The following PTPRT variants were observed in gnomAD, a reference collection of about 807,000 sequenced individuals.
PTPRT encodes the protein receptor-type tyrosine-protein phosphatase T.
PTPRT carries 56 observed loss-of-function variants against 176.8 expected under a neutral mutation model. That is an observed-to-expected ratio of 0.32 (90% CI 0.26 to 0.40). The LOEUF is 0.40. Ranked by LOEUF, PTPRT falls within the 10% of genes least tolerant of loss-of-function variation. PTPRT has a pLI of 1.00. For synonymous variants in PTPRT, 783 were observed against 739.0 expected, an observed-to-expected ratio of 1.06 and a Z score of -0.96; for missense variants, 1,540 against 1,908.2, an observed-to-expected ratio of 0.81 and a Z score of 3.60.
rs542957219 is a variant in PTPRT at position 42,855,547 on chromosome 20, T to G, written c.214+30260A>C. On this transcript the variant is annotated intron_variant, in intron 2 of 30. Transcript: ENST00000373187. ...CCTGGGTTCAAGGGATTCTCATGCC[T>G]CAGCCTCCCAAGTAGCTGGGATCAC... Among the ~76,000 whole-genome samples the G allele has an allele frequency of 9.0e-5, 13 of 143,924 alleles. No individual in the cohort carries two copies. In the South Asian group the frequency reaches 2.9e-3, roughly 32 times the overall value. The allele number at this position is 143,924 out of a possible 152,430, so 94.4% of individuals were successfully genotyped here. A position where few individuals can be genotyped will look rare whatever the true frequency, so the allele number is the denominator to read the frequency against.
intron 1 of PTPRT, among the ~76,000 whole-genome samples, chr20:43,111,804 G>A (rs2012879430): frequency 1.3e-5 from 2 of 152,292 alleles, no homozygotes; most frequent in Admixed American, 1.3e-4. Context: ...TGGGAAACAG[G>A]CCATGTTAAT....
In PTPRT at chr20:42,454,400, G is replaced by A. The variant is rs534439258; in HGVS notation, c.1451-6071C>T. Among the ~76,000 whole-genome samples the A allele has an allele frequency of 1.1e-4, 16 of 152,242 alleles. No homozygotes were observed. In the South Asian group the frequency reaches 2.5e-3, roughly 24 times the overall value. ...ATGACTGAAGGGCTTATCTATCTTT[G>A]TTTTTACAGTGTAATGCCAAATTGT... is the stretch of plus-strand genomic sequence containing the variant. On this transcript the variant is annotated intron_variant, in intron 8 of 30. Transcript: ENST00000373187.
At chr20:43,087,127 T>C (rs2011629621) in intron 1 of PTPRT, among the ~76,000 whole-genome samples, 1 of 152,230 alleles carries the variant, frequency 6.6e-6, no homozygotes, top group Non-Finnish European at 1.5e-5. Flanking sequence ...GTTTTGTCTT[T>C]TCCAGAATTA....
At chr20:42,773,312 C>T (rs369632397) in intron 4 of PTPRT, among the ~76,000 whole-genome samples, 19 of 152,132 alleles carry the variant, frequency 1.2e-4, no homozygotes, top group Admixed American at 2.6e-4. Flanking sequence ...CACTGGGCAG[C>T]GTGGAATTGG....
At chr20:42,798,135 C>T (rs1011957603) in intron 2 of PTPRT, among the ~76,000 whole-genome samples, 4 of 152,130 alleles carry the variant, frequency 2.6e-5, no homozygotes, top group South Asian at 4.1e-4. Context: ...GAAATCCACG[C>T]CACCCAGCTC....
chr20:42,438,786 T>C (rs2059285732), intron 9 of PTPRT, among the ~76,000 whole-genome samples: 1 of 152,224 alleles, frequency 6.6e-6, no homozygotes, highest in African/African-American at 2.4e-5. Context: ...CATGGTTTGC[T>C]ATCCTTAGGT....
rs372641383 is a variant in PTPRT at position 42,472,350 on chromosome 20, T to C, written c.1366A>G (p.Met456Val). Residue 456 changes from methionine to valine, a missense_variant, in exon 8 of 31, where the codon ATG becomes GTG. By Grantham distance (21) the Met-to-Val change is conservative. Transcript: ENST00000373187. ...AGCAAGAGTCGCAGCCGGATGGTCA[T>C]GAAGGGGCGCAGGCCTCGCAGGGTG... ...HYTLRGLRPF[M>V]TIRLRLLLSN... The C allele has an allele frequency of 1.4e-5, 22 of 1,614,054 alleles. No homozygotes were observed. The highest frequency in any genetic ancestry group is 1.8e-5 in the Non-Finnish European group (21 of 1,180,030).
chr20:42,536,453 C>A (rs2072477992), intron 7 of PTPRT, among the ~76,000 whole-genome samples: 1 of 152,166 alleles, frequency 6.6e-6, no homozygotes, highest in South Asian at 2.1e-4. Context: ...TTTTATTCTA[C>A]CTGCAGTCCC....
chr20:42,159,035 T>C (rs1989472932), intron 17 of PTPRT, among the ~76,000 whole-genome samples: 1 of 151,802 alleles, frequency 6.6e-6, no homozygotes. Flanking sequence ...AATACACTTG[T>C]AATTCTGTCT....
At chr20:42,834,328 C>G (rs1195014040) in intron 2 of PTPRT, among the ~76,000 whole-genome samples, 1 of 151,818 alleles carries the variant, frequency 6.6e-6, no homozygotes, top group Non-Finnish European at 1.5e-5. Flanking sequence ...GTTAGGGGAG[C>G]TAAAATTTAA....
At chr20:42,055,460 G>C in the PTPRT span, among the ~76,000 whole-genome samples, 6 of 152,192 alleles carry the variant, frequency 3.9e-5, no homozygotes, top group African/African-American at 7.2e-5. Context: ...TGGAGAGAGG[G>C]GGCAGAGCTG....
chr20:43,117,876 A>G (rs2013116787), intron 1 of PTPRT, among the ~76,000 whole-genome samples: 1 of 152,214 alleles, frequency 6.6e-6, no homozygotes, highest in Non-Finnish European at 1.5e-5. Context: ...TGGTGTGTCA[A>G]TCAAAGTGTA....
chr20:42,746,242 C>T (rs2145361462), intron 6 of PTPRT, among the ~76,000 whole-genome samples: 1 of 152,296 alleles, frequency 6.6e-6, no homozygotes, highest in African/African-American at 2.4e-5. Context: ...TACATAATAT[C>T]TCCCGGTTAG....
At chr20:42,943,224 C>A (rs1980676995) in intron 1 of PTPRT, among the ~76,000 whole-genome samples, 1 of 152,170 alleles carries the variant, frequency 6.6e-6, no homozygotes, top group Admixed American at 6.5e-5. Context: ...GGGAAAATGT[C>A]ACAGTGTGGA....
In PTPRT at chr20:42,715,831, T is replaced by C. The variant is rs561646452; in HGVS notation, c.860-37672A>G. On this transcript the variant is annotated intron_variant, in intron 6 of 30. Coordinates refer to ENST00000373187, the MANE Select transcript of PTPRT (RefSeq NM_007050.6). The stretch of plus-strand genomic sequence containing the variant: ...TTGATCAAAATCCCAAAAGTATTTT[T>C]TCTTTTTAAATAAATCAACATATTG... Among the ~76,000 whole-genome samples, 57 of 152,358 alleles carry C rather than the reference T, an allele frequency of 3.7e-4. 1 individual carries two copies. The South Asian group carries it at 7.9e-3, about 21-fold the overall frequency.
chr20:42,190,796 A>G (rs1290786327), intron 16 of PTPRT, among the ~76,000 whole-genome samples: 1 of 152,144 alleles, frequency 6.6e-6, no homozygotes, highest in East Asian at 1.9e-4. Context: ...TTGTCTATGA[A>G]ATGGGAATAA....
At position 42,118,629 on chromosome 20, in the gene PTPRT, A is replaced by T. The variant is rs1987419134; in HGVS notation, c.2885-129T>A. The T allele has an allele frequency of 4.8e-6, 3 of 619,708 alleles. No individual in the cohort carries two copies. In the East Asian group the frequency reaches 8.8e-5, roughly 18 times the overall value. The allele number at this position is 619,708 out of a possible 1,614,324, so 38.4% of individuals were successfully genotyped here. A position where few individuals can be genotyped will look rare whatever the true frequency, so the allele number is the denominator to read the frequency against. On this transcript the variant is annotated intron_variant, in intron 20 of 30. Coordinates refer to ENST00000373187, the MANE Select transcript of PTPRT (RefSeq NM_007050.6). ...GTGAGGCCAGGTGATCCTTGTTAAGACACCAAGTATCTGAGACACGGGCCT... is the reference window on the plus strand; with the variant it reads ...GTGAGGCCAGGTGATCCTTGTTAAGTCACCAAGTATCTGAGACACGGGCCT...
intron 16 of PTPRT, 65 bp from the exon 17 acceptor site, chr20:42,161,607 C>CT: frequency 6.6e-7 from 1 of 1,512,052 alleles, no homozygotes; most frequent in Non-Finnish European, 8.9e-7. Flanking sequence ...TCCTCCCTGT[C>CT]TCCCCCAGCT....
In PTPRT at chr20:42,141,869, G is replaced by A. The variant is rs150992024; in HGVS notation, c.2770+46C>T. ...TAATAGTAATAGCCTCTTTTCCCCT[G>A]CATCCTCAACACCTGAAGCTTAGGA... On this transcript the variant is annotated intron_variant, in intron 18 of 30. Coordinates refer to ENST00000373187, the MANE Select transcript of PTPRT (RefSeq NM_007050.6). 8 of 1,509,184 alleles carry A rather than the reference G, an allele frequency of 5.3e-6. No individual in the cohort carries two copies. The African/African-American group carries it at 8.2e-5, about 16-fold the overall frequency. 93.5% of individuals were successfully genotyped at this position (1,509,184 alleles called of 1,614,324 possible).
Sources: gnomAD v4.1 joint callset for allele counts (sites outside exome capture counted in the v4.1 genomes callset) on GRCh38, gnomAD v4.1.1 for gene constraint, MANE v1.5 for transcripts, NCBI Gene and HGNC (gene_info 2026-07-23, HGNC 2026-07-21) for gene names.